The following AR variants were observed in gnomAD, a reference collection of about 807,000 sequenced individuals.
The protein encoded by AR is androgen receptor.
In AR, 8 loss-of-function variants were observed where a neutral mutation model predicts 53.9. That is an observed-to-expected ratio of 0.15 (90% CI 0.09 to 0.27). The LOEUF is 0.27. AR is among the 10% of genes least tolerant of loss of function. The probability of loss-of-function intolerance (pLI) is 1.00; values close to 1 mark genes in which losing one functional copy is unlikely to be tolerated. For missense variants in AR, 639 were observed against 742.5 expected (o/e 0.86, Z 1.62); for synonymous variants, 359 against 316.4 (o/e 1.13, Z -1.43).
intron 1 of AR, among the ~76,000 whole-genome samples, chrX:67,590,192 G>A (rs753164973): frequency 5.4e-5 from 6 of 111,314 alleles, no homozygotes; most frequent in South Asian, 7.8e-4. Context: ...AAAGAATGTC[G>A]GAACTCAAGG....
At chrX:67,591,313 C>T (rs189267273) in intron 1 of AR, among the ~76,000 whole-genome samples, 17 of 108,302 alleles carry the variant, frequency 1.6e-4, no homozygotes, top group Non-Finnish European at 2.7e-4. Context: ...ATATATATCG[C>T]TGTAAGGTTG....
Position 67,730,421 on chromosome X carries a change from C to T in AR, c.*6580C>T, listed in dbSNP as rs2076175136. The T allele has an allele frequency of 5.8e-6, 1 of 171,910 alleles. No individual in the cohort carries two copies. The highest frequency in any genetic ancestry group is 3.0e-5 in the African/African-American group (1 of 33,728). The allele number at this position is 171,910 out of a possible 1,213,427, so 14.2% of individuals were successfully genotyped here. A position where few individuals can be genotyped will look rare whatever the true frequency, so the allele number is the denominator to read the frequency against. ...TTGGACTACATGTGTGACTTTGGGTCTGTCTCTGCCTCTGCTTTCAGAAAT... is the reference window on the plus strand; with the variant it reads ...TTGGACTACATGTGTGACTTTGGGTTTGTCTCTGCCTCTGCTTTCAGAAAT... On this transcript the variant is annotated 3_prime_UTR_variant, in exon 8 of 8. Coordinates refer to ENST00000374690, the MANE Select transcript of AR (RefSeq NM_000044.6).
chrX:67,662,079 CCTTTT>C (rs1177362796), intron 2 of AR, among the ~76,000 whole-genome samples: 2 of 110,857 alleles, frequency 1.8e-5, no homozygotes, highest in Non-Finnish European at 3.8e-5. Context: ...GATTCTTCTC[CCTTTT>C]CTTCTTTATT....
At chrX:67,699,435 C>A (rs762882123) in intron 3 of AR, among the ~76,000 whole-genome samples, 1 of 112,138 alleles carries the variant, frequency 8.9e-6, no homozygotes, top group African/African-American at 3.2e-5. Context: ...TGGACCCCAA[C>A]GCCTTCAAAG....
At position 67,604,198 on chromosome X, in the gene AR, A is replaced by ATGTGTGTGTG. The variant is rs72092334; in HGVS notation, c.1617-39020_1617-39011dup. Among the ~76,000 whole-genome samples, 525 of 78,138 alleles carry ATGTGTGTGTG rather than the reference A, an allele frequency of 6.7e-3. 8 individuals are homozygous for ATGTGTGTGTG. The highest frequency in any genetic ancestry group is 0.028 in the East Asian group (60 of 2,160). 67.9% of individuals were successfully genotyped at this position (78,138 alleles called of 115,157 possible). On this transcript the variant is annotated intron_variant, in intron 1 of 7. Transcript: ENST00000374690. ...AGAAGGTCAGAAGCTGGGGAGAAAT[A>ATGTGTGTGTG]TGTGTGTGTGTGTGTGTGTGTGTGT...
At chrX:67,571,878 C>T (rs187910648) in intron 1 of AR, among the ~76,000 whole-genome samples, 1 of 108,666 alleles carries the variant, frequency 9.2e-6, no homozygotes, top group African/African-American at 3.3e-5. Flanking sequence ...ATAATTCAGA[C>T]CGTTGAATTG....
At chrX:67,551,291 G>A (rs1929988750) in intron 1 of AR, among the ~76,000 whole-genome samples, 1 of 110,145 alleles carries the variant, frequency 9.1e-6, no homozygotes, top group Non-Finnish European at 1.9e-5. Flanking sequence ...TGCTGCAAGT[G>A]TCCGGCTGGG....
chrX:67,568,221 AT>A (rs1216411309), intron 1 of AR, among the ~76,000 whole-genome samples: 1 of 111,704 alleles, frequency 9.0e-6, no homozygotes, highest in African/African-American at 3.3e-5. Flanking sequence ...TCTTCTTTCC[AT>A]TTCTGAGGAC....
intron 1 of AR, among the ~76,000 whole-genome samples, chrX:67,607,029 T>G (rs987524840): frequency 9.0e-6 from 1 of 110,552 alleles, no homozygotes; most frequent in Non-Finnish European, 1.9e-5. Flanking sequence ...TGTTGTGTTT[T>G]TGTTTTTTTT....
intron 2 of AR, among the ~76,000 whole-genome samples, chrX:67,670,819 C>T (rs1425990752): frequency 9.0e-6 from 1 of 110,590 alleles, no homozygotes; most frequent in Non-Finnish European, 1.9e-5. Context: ...TCTCATTGTT[C>T]AACTGCCACT....
chrX:67,607,349 C>T (rs2058550510), intron 1 of AR, among the ~76,000 whole-genome samples: 1 of 111,949 alleles, frequency 8.9e-6, no homozygotes, highest in African/African-American at 3.2e-5. Flanking sequence ...TTTGAAAGAA[C>T]AGTGAGCTTG....
At position 67,711,519 on chromosome X, in the gene AR, A is replaced by G. The variant is rs763400131; in HGVS notation, c.2003A>G (p.Tyr668Cys). Residue 668 changes from tyrosine to cysteine, a missense_variant, in exon 4 of 8, where the codon TAT becomes TGT. Physicochemically the swap from Tyr to Cys is radical, Grantham distance 194. Around this residue, in one of 5 missense-constraint regions of AR, gnomAD observed 47 missense variants for 35.9 expected, o/e 1.31. Coordinates refer to ENST00000374690, the MANE Select transcript of AR (RefSeq NM_000044.6). The stretch of plus-strand genomic sequence containing the variant: ...CTGACAGTGTCACACATTGAAGGCT[A>G]TGAATGTCAGCCCATCTTTCTGAAT... The part of the protein sequence containing the change: ...QKLTVSHIEG[Y>C]ECQPIFLNVL... The G allele has an allele frequency of 8.3e-7, 1 of 1,211,603 alleles. No homozygotes were observed. Among genetic ancestry groups the G allele is most frequent in the African/African-American group, 1.7e-5 (1 of 57,800 alleles).
At chrX:67,574,471 C>T (rs982138692) in intron 1 of AR, among the ~76,000 whole-genome samples, 6 of 110,741 alleles carry the variant, frequency 5.4e-5, no homozygotes, top group Admixed American at 9.6e-5. Context: ...CTGTGCTCCC[C>T]GTTTTAGCTT....
intron 2 of AR, among the ~76,000 whole-genome samples, chrX:67,677,682 A>G (rs1479380910): frequency 1.8e-5 from 2 of 111,617 alleles, no homozygotes; most frequent in Non-Finnish European, 3.8e-5. Flanking sequence ...AAATGTGCAG[A>G]AAATACTGAG....
intron 1 of AR, chrX:67,569,053 C>G (rs2147344648): frequency 8.3e-7 from 1 of 1,199,839 alleles, no homozygotes; most frequent in Non-Finnish European, 1.1e-6. Context: ...AAACTTAGAA[C>G]TCAGTTTCTA....
At chrX:67,632,319 A>G (rs1387162232) in intron 1 of AR, among the ~76,000 whole-genome samples, 1 of 113,158 alleles carries the variant, frequency 8.8e-6, no homozygotes, top group Non-Finnish European at 1.9e-5. Flanking sequence ...CCTCTGAGCC[A>G]TGTGCGGGAT....
chrX:67,720,988 G>A (rs2076133392), intron 5 of AR, among the ~76,000 whole-genome samples: 1 of 111,746 alleles, frequency 8.9e-6, no homozygotes, highest in Non-Finnish European at 1.9e-5. Context: ...GCCATGGTCA[G>A]CCATGGAACC....
chrX:67,708,829 T>A (rs966534096), intron 3 of AR, among the ~76,000 whole-genome samples: 1 of 112,247 alleles, frequency 8.9e-6, no homozygotes, highest in African/African-American at 3.2e-5. Flanking sequence ...GGTGTGGATG[T>A]CCTTTCTGTT....
intron 1 of AR, among the ~76,000 whole-genome samples, chrX:67,563,652 T>G (rs1921430921): frequency 9.0e-6 from 1 of 111,729 alleles, no homozygotes; most frequent in Admixed American, 9.5e-5. Flanking sequence ...AAGCGTGAGG[T>G]CATTGCAGAT....
Sources: allele counts gnomAD v4.1 joint callset (sites outside exome capture counted in the v4.1 genomes callset), GRCh38; gene constraint gnomAD v4.1.1; regional missense constraint gnomAD v4.1.1; transcripts MANE v1.5; gene names NCBI Gene and HGNC (gene_info 2026-07-23, HGNC 2026-07-21).